The following PABPC4L variants were observed in gnomAD, a reference collection of about 807,000 sequenced individuals.
PABPC4L encodes poly(A) binding protein cytoplasmic 4 like.
For synonymous variants in PABPC4L, 169 were observed against 164.1 expected (o/e 1.03, Z -0.23); for missense variants, 452 against 451.4 (o/e 1.00, Z -0.01).
the PABPC4L span, among the ~76,000 whole-genome samples, chr4:134,056,868 T>A: frequency 6.6e-6 from 1 of 152,034 alleles, no homozygotes; most frequent in African/African-American, 2.4e-5. Flanking sequence ...GCTGTGTATC[T>A]TTATTATTTC....
At chr4:133,968,327 G>A in the PABPC4L span, among the ~76,000 whole-genome samples, 1 of 152,124 alleles carries the variant, frequency 6.6e-6, no homozygotes, top group East Asian at 1.9e-4. Flanking sequence ...GACAGACTGG[G>A]AAAAAACATC....
the PABPC4L span, among the ~76,000 whole-genome samples, chr4:134,070,165 C>T: frequency 4.6e-5 from 7 of 151,994 alleles, no homozygotes; most frequent in African/African-American, 1.5e-4. Context: ...TTTCTGGACC[C>T]TTGTGAGCTT....
the PABPC4L span, among the ~76,000 whole-genome samples, chr4:133,984,988 G>A: frequency 6.6e-6 from 1 of 151,922 alleles, no homozygotes; most frequent in Non-Finnish European, 1.5e-5. Flanking sequence ...GAAGAAAATA[G>A]AATTATGGAC....
chr4:134,059,259 A>C, the PABPC4L span, among the ~76,000 whole-genome samples: 2 of 151,782 alleles, frequency 1.3e-5, no homozygotes, highest in Admixed American at 6.6e-5. Context: ...ATCCATGTAC[A>C]TACATCTCCA....
At chr4:134,123,886 C>T in the PABPC4L span, among the ~76,000 whole-genome samples, 1 of 150,992 alleles carries the variant, frequency 6.6e-6, no homozygotes, top group Non-Finnish European at 1.5e-5. Context: ...TGCAGAGCTG[C>T]AATTGAAAAA....
the PABPC4L span, among the ~76,000 whole-genome samples, chr4:134,059,756 G>T: frequency 1.3e-5 from 2 of 151,842 alleles, no homozygotes; most frequent in East Asian, 1.9e-4. Context: ...GAAAATAAAA[G>T]CTTCAAAAAA....
the PABPC4L span, among the ~76,000 whole-genome samples, chr4:134,125,839 T>TA: frequency 6.6e-6 from 1 of 151,962 alleles, no homozygotes; most frequent in African/African-American, 2.4e-5. Flanking sequence ...TTTGATGCTT[T>TA]AAAAAAACTG....
chr4:134,192,106 A>T (rs766854323), downstream of PABPC4L, among the ~76,000 whole-genome samples: 5 of 152,132 alleles, frequency 3.3e-5, no homozygotes, highest in Non-Finnish European at 7.4e-5. Flanking sequence ...CAGCCAGAGT[A>T]GAAACATTCC....
At chr4:134,195,758 GACCATGA>G (rs893199341), downstream of PABPC4L, among the ~76,000 whole-genome samples, 3 of 151,526 alleles carry the variant, frequency 2.0e-5, no homozygotes, top group Admixed American at 1.3e-4. Context: ...AATATGACAA[GACCATGA>G]GACAAAACCA....
At chr4:133,999,788 T>C in the PABPC4L span, among the ~76,000 whole-genome samples, 1 of 152,152 alleles carries the variant, frequency 6.6e-6, no homozygotes, top group South Asian at 2.1e-4. Flanking sequence ...AGTTCAATTT[T>C]CAGTTCCTTT....
At chr4:134,163,227 C>A in the PABPC4L span, among the ~76,000 whole-genome samples, 13 of 151,972 alleles carry the variant, frequency 8.6e-5, no homozygotes, top group Non-Finnish European at 1.8e-4. Flanking sequence ...GCTATGAATA[C>A]CCCTCTATAC....
chr4:134,186,085 C>G, the PABPC4L span, among the ~76,000 whole-genome samples: 8 of 152,082 alleles, frequency 5.3e-5, no homozygotes, highest in African/African-American at 1.9e-4. Flanking sequence ...TAAAAAGAAT[C>G]AATATTGTGA....
At chr4:134,184,538 A>C in the PABPC4L span, among the ~76,000 whole-genome samples, 11 of 151,972 alleles carry the variant, frequency 7.2e-5, no homozygotes, top group African/African-American at 2.7e-4. Context: ...CATAATATTC[A>C]TTTAAGATTC....
chr4:134,069,127 C>A, the PABPC4L span, among the ~76,000 whole-genome samples: 1 of 152,096 alleles, frequency 6.6e-6, no homozygotes, highest in East Asian at 1.9e-4. Flanking sequence ...GTTGGAATTT[C>A]TTTTCTTTAG....
chr4:134,110,799 A>T, the PABPC4L span, among the ~76,000 whole-genome samples: 1 of 152,184 alleles, frequency 6.6e-6, no homozygotes, highest in South Asian at 2.1e-4. Flanking sequence ...TAGTTGTTAT[A>T]CTGCATTGTT....
At chr4:134,023,997 CA>C in the PABPC4L span, among the ~76,000 whole-genome samples, 2 of 152,024 alleles carry the variant, frequency 1.3e-5, no homozygotes, top group Non-Finnish European at 2.9e-5. Context: ...TGATCAATAA[CA>C]AAAATACATT....
the PABPC4L span, among the ~76,000 whole-genome samples, chr4:134,018,209 A>AC: frequency 6.6e-6 from 1 of 151,428 alleles, no homozygotes; most frequent in Non-Finnish European, 1.5e-5. Flanking sequence ...CCAGAGAACA[A>AC]CCCCCCTTTG....
At chr4:133,967,773 A>G in the PABPC4L span, among the ~76,000 whole-genome samples, 3 of 152,228 alleles carry the variant, frequency 2.0e-5, no homozygotes, top group African/African-American at 7.2e-5. Flanking sequence ...AATGTAGGCT[A>G]TGTCAAAACA....
At chr4:134,127,523 G>T in the PABPC4L span, among the ~76,000 whole-genome samples, 22 of 152,048 alleles carry the variant, frequency 1.4e-4, no homozygotes, top group African/African-American at 2.4e-5. Flanking sequence ...CAGTGGCTCT[G>T]CTGGGTGGCC....
Sources: gnomAD v4.1 joint callset for allele counts (sites outside exome capture counted in the v4.1 genomes callset) on GRCh38, gnomAD v4.1.1 for gene constraint, MANE v1.5 for transcripts, NCBI Gene and HGNC (gene_info 2026-07-23, HGNC 2026-07-21) for gene names.